Variants in MBTPS1 observed in about 807,000 individuals in gnomAD.
The protein encoded by MBTPS1 is membrane-bound transcription factor site-1 protease.
Under a neutral mutation model 127.8 loss-of-function variants are expected in MBTPS1, and 94 were observed. That is an observed-to-expected ratio of 0.74 (90% CI 0.62 to 0.87). MBTPS1 has a LOEUF of 0.87. Among genes scored for constraint, MBTPS1 ranks in the 40% least tolerant of loss-of-function variants. The pLI, the probability that MBTPS1 is intolerant of heterozygous loss-of-function variation, is 0.00. For synonymous variants in MBTPS1, 632 were observed against 509.4 expected, an observed-to-expected ratio of 1.24 and a Z score of -3.24; for missense variants, 1,636 against 1,353.2, an observed-to-expected ratio of 1.21 and a Z score of -3.28.
intron 1 of MBTPS1, chr16:84,109,328 G>A (rs955953842): frequency 6.6e-5 from 10 of 152,166 alleles, no homozygotes; most frequent in Non-Finnish European, 1.2e-4. Context: ...ATCCCAACCC[G>A]TGGAATAAAA....
chr16:84,076,356 A>G (rs974460545), intron 11 of MBTPS1, among the ~76,000 whole-genome samples: 5 of 152,186 alleles, frequency 3.3e-5, no homozygotes, highest in Non-Finnish European at 7.3e-5. Flanking sequence ...GAGAAATACA[A>G]GAGGCATTTC....
In MBTPS1 at chr16:84,069,845, T is replaced by C. The variant is rs1382846357; in HGVS notation, c.1955+21A>G. 3.1e-6 allele frequency: 5 copies of C among 1,604,286 alleles called. No homozygotes were observed. The South Asian group carries it at 3.3e-5, about 11-fold the overall frequency. On this transcript the variant is annotated intron_variant, in intron 14 of 22. Transcript: ENST00000343411. ...CACCACGGAGGCTGGGGAGGTGAAG[T>C]GCATCCTGTGAGGTGCTTACCAGTC... is the stretch of plus-strand genomic sequence containing the variant.
intron 1 of MBTPS1, among the ~76,000 whole-genome samples, chr16:84,102,808 T>C (rs1597349695): frequency 6.6e-6 from 1 of 152,248 alleles, no homozygotes; most frequent in Non-Finnish European, 1.5e-5. Flanking sequence ...AGAAACACTA[T>C]GCTTTAATAT....
chr16:84,079,397 G>C (rs1410962914), intron 11 of MBTPS1, among the ~76,000 whole-genome samples: 1 of 152,108 alleles, frequency 6.6e-6, no homozygotes, highest in Non-Finnish European at 1.5e-5. Context: ...GAGGATGTGG[G>C]GGAAATCTAA....
chr16:84,089,843 G>C (rs1177839349), intron 8 of MBTPS1, among the ~76,000 whole-genome samples: 1 of 152,204 alleles, frequency 6.6e-6, no homozygotes, highest in Admixed American at 6.5e-5. Flanking sequence ...TGCCAGCCTT[G>C]AGTGGGGACA....
intron 20 of MBTPS1, 162 bp from the exon 21 acceptor site, chr16:84,059,590 C>CTGATTGGTTCCTCCCGGACAATGTGTG: frequency 1.7e-6 from 1 of 581,152 alleles, no homozygotes; most frequent in Non-Finnish European, 3.0e-6. Context: ...GGAGCCACGC[C>CTGATTGGTTCCTCCCGGACAATGTGTG]TGATTGGTTC....
intron 12 of MBTPS1, among the ~76,000 whole-genome samples, chr16:84,071,310 G>A (rs975651557): frequency 4.6e-5 from 7 of 152,216 alleles, no homozygotes; most frequent in African/African-American, 9.6e-5. Flanking sequence ...AAAGGGAAGC[G>A]TGAGCAGAGG....
At position 84,101,888 on chromosome 16, in the gene MBTPS1, A is replaced by G. The variant is rs907045; in HGVS notation, c.-105T>C. 723,531 of 1,023,148 alleles carry G rather than the reference A, an allele frequency of 0.71. 257,951 individuals are homozygous for G. The highest frequency in any genetic ancestry group is 0.83 in the East Asian group (34,154 of 41,228). The allele number at this position is 1,023,148 out of a possible 1,614,324, so 63.4% of individuals were successfully genotyped here. ...TTCAGCTAAAAGCTGCAACATTACT[A>G]ATCAGCCATCTTACAGTCTTGCCCA... On this transcript the variant is annotated 5_prime_UTR_variant, in exon 2 of 23. It removes the in-frame stop codon of an upstream open reading frame in the 5' UTR. Transcript: ENST00000343411.
intron 19 of MBTPS1, among the ~76,000 whole-genome samples, chr16:84,062,647 A>G (rs147296768): frequency 3.3e-5 from 5 of 152,280 alleles, no homozygotes; most frequent in Non-Finnish European, 7.4e-5. Flanking sequence ...CTCACCAGGT[A>G]AAAACATGGA....
rs1485755101 is a variant in MBTPS1 at position 84,053,794 on chromosome 16, T to G, written c.*655A>C. 6.6e-6 allele frequency: 1 copy of G among 152,228 alleles called. No homozygotes were observed. Among genetic ancestry groups the G allele is most frequent in the Non-Finnish European group, 1.5e-5 (1 of 68,042 alleles). 9.4% of individuals were successfully genotyped at this position (152,228 alleles called of 1,614,324 possible). A position where few individuals can be genotyped will look rare whatever the true frequency, so the allele number is the denominator to read the frequency against. ...CTTCAGACGGGTAATACATATTTAT[T>G]GAAAATTTTCTTCACCGACAATGGT... On this transcript the variant is annotated 3_prime_UTR_variant, in exon 23 of 23. Transcript: ENST00000343411.
chr16:84,087,325 C>T, intron 9 of MBTPS1, 33 bp downstream of exon 9: 1 of 1,551,014 alleles, frequency 6.4e-7, no homozygotes, highest in Non-Finnish European at 8.9e-7. Context: ...GTTTGTCCAG[C>T]TAAATACAAT....
intron 10 of MBTPS1, among the ~76,000 whole-genome samples, chr16:84,083,497 C>A (rs1053872180): frequency 6.6e-6 from 1 of 151,766 alleles, no homozygotes; most frequent in African/African-American, 2.4e-5. Context: ...CACTATGTTG[C>A]CCCAGCTGCT....
rs754363014 is a variant in MBTPS1 at position 84,059,382 on chromosome 16, T to C, written c.2751A>G (p.Gly917=). ...RYSKVLEAHL[G]DPKPRPLPAC... is the part of the protein sequence containing the mutation. ...CTGGTAGAGGCCGAGGTTTTGGGTC[T>C]CCCAAATGGGCCTCCAGAACCTTGG... The change falls in exon 21 of 23, where the codon GGA becomes GGG. Residue 917 remains glycine, a synonymous_variant. Transcript: ENST00000343411. 1.2e-6 allele frequency: 2 copies of C among 1,614,104 alleles called. No individual in the cohort carries two copies. Among genetic ancestry groups the C allele is most frequent in the South Asian group, 1.1e-5 (1 of 91,082 alleles).
chr16:84,113,088 G>T (rs1363597050), intron 1 of MBTPS1, among the ~76,000 whole-genome samples: 1 of 151,722 alleles, frequency 6.6e-6, no homozygotes, highest in African/African-American at 2.4e-5. Context: ...GAGCTTAAAA[G>T]GGATCTATCT....
chr16:84,112,075 G>A (rs1001459688), intron 1 of MBTPS1, among the ~76,000 whole-genome samples: 2 of 152,098 alleles, frequency 1.3e-5, no homozygotes, highest in Non-Finnish European at 2.9e-5. Flanking sequence ...GGTGACACAT[G>A]CCTGTAATCC....
chr16:84,081,886 C>A lies in MBTPS1; in HGVS notation c.1309G>T (p.Val437Leu), dbSNP rs756813550. ...LVSTVQKRELVNPASMKQALI... is the reference protein window; with the variant it reads ...LVSTVQKRELLNPASMKQALI... ...GCCTGCTTCATACTGGCGGGATTCA[C>A]CAGCTCACGCTTCTGGACTGTGCTG... The change falls in exon 11 of 23, where the codon GTG (valine) becomes TTG (leucine). Residue 437 changes from valine (V) to leucine (L), a missense_variant. Physicochemically the swap from Val to Leu is conservative, Grantham distance 32 (BLOSUM62 1). Transcript: ENST00000343411. The A allele has an allele frequency of 3.4e-6, 5 of 1,450,196 alleles. No individual in the cohort carries two copies. Among genetic ancestry groups the A allele is most frequent in the South Asian group, 3.0e-5 (2 of 66,688 alleles). The allele number at this position is 1,450,196 out of a possible 1,614,324, so 89.8% of individuals were successfully genotyped here.
intron 1 of MBTPS1, among the ~76,000 whole-genome samples, chr16:84,104,342 G>C (rs1469824213): frequency 6.6e-6 from 1 of 152,000 alleles, no homozygotes; most frequent in Non-Finnish European, 1.5e-5. Context: ...AAATTAGCTA[G>C]GCATGGTGGC....
intron 11 of MBTPS1, among the ~76,000 whole-genome samples, chr16:84,076,821 C>A (rs1386842534): frequency 6.6e-6 from 1 of 152,182 alleles, no homozygotes; most frequent in Admixed American, 6.5e-5. Flanking sequence ...AATATTACTT[C>A]TAAGTTCATT....
intron 2 of MBTPS1, among the ~76,000 whole-genome samples, 177 bp downstream of exon 2, chr16:84,101,444 T>C (rs1044981933): frequency 6.6e-6 from 1 of 150,606 alleles, no homozygotes; most frequent in Non-Finnish European, 1.5e-5. Flanking sequence ...TGAGCCGAGA[T>C]CATGCCACTG....
Sources: gnomAD v4.1 joint callset for allele counts (sites outside exome capture counted in the v4.1 genomes callset) on GRCh38, gnomAD v4.1.1 for gene constraint, MANE v1.5 for transcripts, NCBI Gene and HGNC (gene_info 2026-07-23, HGNC 2026-07-21) for gene names.